CPLX1: variants seen among roughly 807,000 people sequenced by gnomAD.
CPLX1 encodes the protein complexin-1.
CPLX1 carries 6 observed loss-of-function variants against 15.6 expected under a neutral mutation model. The observed-to-expected ratio is 0.39, with a 90% CI of 0.21 to 0.76. CPLX1 has a LOEUF of 0.76. Ranked by LOEUF, CPLX1 falls within the 30% of genes least tolerant of loss-of-function variation. CPLX1 has a pLI of 0.43. For missense variants in CPLX1, 242 were observed against 188.6 expected (o/e 1.28, Z -1.66); for synonymous variants, 91 against 75.2 (o/e 1.21, Z -1.08).
At chr4:818,461 G>C (rs1746801659) in intron 2 of CPLX1, among the ~76,000 whole-genome samples, 1 of 152,256 alleles carries the variant, frequency 6.6e-6, no homozygotes, top group Non-Finnish European at 1.5e-5. Flanking sequence ...CCTCTGTTTT[G>C]CGCCCACGCT....
intron 2 of CPLX1, among the ~76,000 whole-genome samples, chr4:823,445 A>G (rs1746910590): frequency 6.6e-6 from 1 of 152,168 alleles, no homozygotes; most frequent in South Asian, 2.1e-4. Context: ...GAACCCGGCC[A>G]GCTCCCCCAC....
intron 2 of CPLX1, among the ~76,000 whole-genome samples, chr4:809,796 A>ACTATGGATT (rs1333917317): frequency 6.7e-6 from 1 of 150,160 alleles, no homozygotes; most frequent in Admixed American, 6.6e-5. Context: ...ACTTCCTGTC[A>ACTATGGATT]CTATGGATTA....
In CPLX1 at chr4:788,441, G is replaced by A. The variant is rs537123611; in HGVS notation, c.208-1743C>T. On this transcript the variant is annotated intron_variant, in intron 3 of 3. Coordinates refer to ENST00000304062, the MANE Select transcript of CPLX1 (RefSeq NM_006651.4). ...CCTGGCCACTGAGGAGAGAGGGGCC[G>A]TGGGCTCGCCCTAGTCCTCAGCAGC... 19 of 985,408 alleles carry A rather than the reference G, an allele frequency of 1.9e-5. No individual in the cohort carries two copies. In the Admixed American group the frequency reaches 5.5e-4, roughly 29 times the overall value. 61.0% of individuals were successfully genotyped at this position (985,408 alleles called of 1,614,324 possible).
intron 2 of CPLX1, among the ~76,000 whole-genome samples, chr4:812,626 C>T (rs1161445543): frequency 2.0e-5 from 3 of 152,056 alleles, no homozygotes; most frequent in Non-Finnish European, 1.5e-5. Flanking sequence ...AGGAAAGGAC[C>T]AAACTCTTTC....
At chr4:811,376 C>A (rs563617208) in intron 2 of CPLX1, among the ~76,000 whole-genome samples, 1 of 152,052 alleles carries the variant, frequency 6.6e-6, no homozygotes, top group East Asian at 1.9e-4. Flanking sequence ...GAACTCCTGG[C>A]CTCAGGCAAT....
intron 3 of CPLX1, chr4:787,233 C>T (rs1038777903): frequency 3.0e-6 from 3 of 985,254 alleles, no homozygotes; most frequent in African/African-American, 1.7e-5. Context: ...CGTGGGCAGC[C>T]GGCAGAGGGT....
At chr4:820,494 G>T (rs1041140187) in intron 2 of CPLX1, among the ~76,000 whole-genome samples, 1 of 152,182 alleles carries the variant, frequency 6.6e-6, no homozygotes, top group Non-Finnish European at 1.5e-5. Flanking sequence ...TGGACACTGG[G>T]AATCAGGGCA....
chr4:804,788 C>G (rs1410193729), intron 2 of CPLX1: 3 of 985,220 alleles, frequency 3.0e-6, no homozygotes, highest in Non-Finnish European at 3.6e-6. Flanking sequence ...CTGCAGAGTC[C>G]CAGAGACGGC....
chr4:824,426 A>C, intron 2 of CPLX1, 66 bp downstream of exon 2: 3 of 1,411,324 alleles, frequency 2.1e-6, no homozygotes, highest in Non-Finnish European at 2.0e-6. Flanking sequence ...CCAGATGAGG[A>C]GCAGCTGCTG....
In CPLX1 at chr4:807,468, G is replaced by A. The variant is rs544525407; in HGVS notation, c.32-14860C>T. On this transcript the variant is annotated intron_variant, in intron 2 of 3. Coordinates refer to ENST00000304062, the MANE Select transcript of CPLX1 (RefSeq NM_006651.4). ...CCTACACATCCTGCACATGTATCCC[G>A]GAACTTAATTTTTTTTTTTTTTGAG... Among the ~76,000 whole-genome samples, 16 of 152,044 alleles carry A rather than the reference G, an allele frequency of 1.1e-4. No individual in the cohort carries two copies. The East Asian group carries it at 1.4e-3, about 13-fold the overall frequency.
At chr4:788,819 A>G (rs764885276) in intron 3 of CPLX1, among the ~76,000 whole-genome samples, 6 of 152,232 alleles carry the variant, frequency 3.9e-5, no homozygotes, top group Non-Finnish European at 7.3e-5. Context: ...ATGTGTATCC[A>G]GCCCAGGAGG....
chr4:795,813 G>GC (rs940036643), intron 2 of CPLX1, among the ~76,000 whole-genome samples: 3 of 151,636 alleles, frequency 2.0e-5, no homozygotes, highest in African/African-American at 7.3e-5. Context: ...GGTGGGGGGG[G>GC]GGTGCAGATC....
chr4:788,306 C>T (rs1323908491), intron 3 of CPLX1: 1 of 985,212 alleles, frequency 1.0e-6, no homozygotes, highest in African/African-American at 1.7e-5. Flanking sequence ...CTCGGCACCT[C>T]TCCCCTCCCC....
intron 3 of CPLX1, chr4:787,737 T>C: frequency 7.1e-6 from 7 of 984,706 alleles, no homozygotes; most frequent in Non-Finnish European, 8.4e-6. Flanking sequence ...GGCCCCGGGG[T>C]TTTGGTTTCT....
At chr4:793,956 G>A (rs1231333070) in intron 2 of CPLX1, among the ~76,000 whole-genome samples, 2 of 152,208 alleles carry the variant, frequency 1.3e-5, no homozygotes, top group Non-Finnish European at 2.9e-5. Flanking sequence ...CCCCCACCTC[G>A]TTTCTGTGGA....
chr4:798,340 C>G (rs1482466982), intron 2 of CPLX1, among the ~76,000 whole-genome samples: 1 of 150,870 alleles, frequency 6.6e-6, no homozygotes, highest in African/African-American at 2.4e-5. Context: ...CAGAAATAGA[C>G]CCATACATAT....
At chr4:787,450 G>A (rs1300651497) in intron 3 of CPLX1, 2 of 923,646 alleles carry the variant, frequency 2.2e-6, no homozygotes, top group Non-Finnish European at 2.6e-6. Context: ...TCGGAAACAG[G>A]TCTTTGTTGA....
At chr4:804,660 G>A in intron 2 of CPLX1, 2 of 883,112 alleles carry the variant, frequency 2.3e-6, no homozygotes, top group Non-Finnish European at 2.7e-6. Context: ...CAACGCTTTT[G>A]TTCTTTTTGG....
chr4:813,505 G>A (rs1196871827), intron 2 of CPLX1, among the ~76,000 whole-genome samples: 2 of 152,070 alleles, frequency 1.3e-5, no homozygotes, highest in Non-Finnish European at 2.9e-5. Flanking sequence ...ATGGTGAAAG[G>A]TCTGTATAAA....
Sources: allele counts gnomAD v4.1 joint callset (sites outside exome capture counted in the v4.1 genomes callset), GRCh38; gene constraint gnomAD v4.1.1; transcripts MANE v1.5; gene names NCBI Gene and HGNC (gene_info 2026-07-23, HGNC 2026-07-21).